The following HELLS variants were observed in gnomAD, a reference collection of about 807,000 sequenced individuals.
HELLS encodes the protein helicase, lymphoid specific, also known as lymphoid-specific helicase.
Under a neutral mutation model 120.0 loss-of-function variants are expected in HELLS, and 32 were observed. That is an observed-to-expected ratio of 0.27 (90% confidence interval 0.20 to 0.36). HELLS has a LOEUF of 0.36. Among genes scored for constraint, HELLS ranks in the 10% least tolerant of loss-of-function variants. HELLS has a pLI of 1.00. For synonymous variants in HELLS, 341 were observed against 323.4 expected, an observed-to-expected ratio of 1.05 and a Z score of -0.58; for missense variants, 650 against 993.4, an observed-to-expected ratio of 0.65 and a Z score of 4.65.
rs201968536 is a variant in HELLS, at chr10:94,577,067, C to T, written c.1032+262C>T. ...AATCATCCAGAAATAGACCTAATCTCGGAATGTATTACAGATATATTTGTG... is the reference window on the plus strand; with the variant it reads ...AATCATCCAGAAATAGACCTAATCTTGGAATGTATTACAGATATATTTGTG... On this transcript the variant is annotated intron_variant, in intron 10 of 21. Coordinates refer to ENST00000348459, the MANE Select transcript of HELLS (RefSeq NM_018063.5). The T allele has an allele frequency of 4.3e-4, 240 of 556,508 alleles. 1 individual carries two copies. Among genetic ancestry groups the T allele is most frequent in the South Asian group, 4.3e-4 (26 of 60,408 alleles). 34.5% of individuals were successfully genotyped at this position (556,508 alleles called of 1,614,324 possible). A position where few individuals can be genotyped will look rare whatever the true frequency, so the allele number is the denominator to read the frequency against.
At chr10:94,590,830 G>A in intron 15 of HELLS, 54 bp downstream of exon 15, 1 of 1,000,232 alleles carries the variant, frequency 1.0e-6, no homozygotes, top group Non-Finnish European at 1.4e-6. Context: ...CTTTTATATT[G>A]GTGGAAAGTG....
chr10:94,601,920 A>G lies in HELLS; in HGVS notation c.*298A>G, dbSNP rs1846052447. Reference sequence around the variant, plus strand: ...CAGTCTTCCTGTGGAAGTTTAGTAAATGTCTTTTTCCCTCCTTTCTTCTAG... The same window carrying G: ...CAGTCTTCCTGTGGAAGTTTAGTAAGTGTCTTTTTCCCTCCTTTCTTCTAG... On this transcript the variant is annotated 3_prime_UTR_variant, in exon 22 of 22. Transcript: ENST00000348459. 1 of 180,808 alleles carries G rather than the reference A, an allele frequency of 5.5e-6. No homozygotes were observed. Among genetic ancestry groups the G allele is most frequent in the Non-Finnish European group, 1.2e-5 (1 of 86,880 alleles). The allele number at this position is 180,808 out of a possible 1,614,324, so 11.2% of individuals were successfully genotyped here. A position where few individuals can be genotyped will look rare whatever the true frequency, so the allele number is the denominator to read the frequency against.
intron 2 of HELLS, among the ~76,000 whole-genome samples, chr10:94,552,746 C>A (rs11188017): frequency 6.6e-6 from 1 of 151,400 alleles, no homozygotes; most frequent in South Asian, 2.1e-4. Flanking sequence ...ACAAGGCAGA[C>A]GAATCTCTTG....
intron 6 of HELLS, among the ~76,000 whole-genome samples, chr10:94,568,052 G>A (rs1364230932): frequency 6.6e-6 from 1 of 151,852 alleles, no homozygotes; most frequent in Admixed American, 6.6e-5. Flanking sequence ...TGGGACTACA[G>A]GCACACGTCA....
intron 2 of HELLS, 86 bp downstream of exon 2, chr10:94,546,584 C>T: frequency 1.4e-6 from 2 of 1,461,574 alleles, no homozygotes; most frequent in Non-Finnish European, 1.9e-6. Context: ...TCTTTGCTTT[C>T]CTATTTAGTG....
At chr10:94,593,425 A>C in intron 17 of HELLS, 74 bp from the exon 18 acceptor site, 1 of 905,480 alleles carries the variant, frequency 1.1e-6, no homozygotes, top group South Asian at 1.4e-5. Context: ...GTTGTAATTG[A>C]AAACATTTTT....
At chr10:94,597,864 T>C (rs920688186) in intron 21 of HELLS, among the ~76,000 whole-genome samples, 3 of 152,154 alleles carry the variant, frequency 2.0e-5, no homozygotes, top group Non-Finnish European at 4.4e-5. Flanking sequence ...CCCTTGAAAG[T>C]GGCTGATAAG....
At chr10:94,585,349 G>GT (rs1407930177) in intron 12 of HELLS, among the ~76,000 whole-genome samples, 1 of 120,014 alleles carries the variant, frequency 8.3e-6, no homozygotes, top group Non-Finnish European at 1.7e-5. Flanking sequence ...ATAACTAATA[G>GT]TTTTTTTGTT....
chr10:94,546,635 C>G, intron 2 of HELLS, 137 bp downstream of exon 2: 1 of 947,620 alleles, frequency 1.1e-6, no homozygotes, highest in South Asian at 1.6e-5. Context: ...TATTACTTGT[C>G]TTTTTTGTAT....
chr10:94,606,061 T>TTTTTTTTTTTTC (rs1846125391), downstream of HELLS, among the ~76,000 whole-genome samples: 2 of 138,786 alleles, frequency 1.4e-5, no homozygotes, highest in African/African-American at 6.0e-5. Context: ...GGTATGGGTC[T>TTTTTTTTTTTTC]TTTTTTTTTT....
intron 13 of HELLS, among the ~76,000 whole-genome samples, chr10:94,589,161 T>A (rs75093057): frequency 0.028 from 4,217 of 149,992 alleles, 93 homozygotes; most frequent in South Asian, 0.044. Context: ...AAAAAATAAA[T>A]AAAAAAAAAA....
intron 2 of HELLS, 74 bp from the exon 3 acceptor site, chr10:94,554,052 A>G: frequency 7.3e-7 from 1 of 1,361,292 alleles, no homozygotes. Flanking sequence ...AGCCATTTTT[A>G]TTAAACTTTA....
chr10:94,571,793 A>G (rs980253439), intron 7 of HELLS, among the ~76,000 whole-genome samples: 2 of 152,154 alleles, frequency 1.3e-5, no homozygotes, highest in African/African-American at 2.4e-5. Flanking sequence ...GACCTTAAAG[A>G]TTTTTTAAGT....
chr10:94,589,304 A>G (rs1845337536), intron 13 of HELLS, among the ~76,000 whole-genome samples: 2 of 152,234 alleles, frequency 1.3e-5, no homozygotes, highest in South Asian at 4.1e-4. Context: ...TAATCTCCAG[A>G]TATACAGATT....
At chr10:94,603,588 C>G (rs894863251), downstream of HELLS, among the ~76,000 whole-genome samples, 5 of 152,168 alleles carry the variant, frequency 3.3e-5, no homozygotes, top group African/African-American at 1.2e-4. Context: ...CCAGCCAGAA[C>G]CTTTCTCCTG....
At chr10:94,598,806 T>A (rs1201065137) in intron 21 of HELLS, among the ~76,000 whole-genome samples, 1 of 152,064 alleles carries the variant, frequency 6.6e-6, no homozygotes, top group Non-Finnish European at 1.5e-5. Context: ...TTCAAGGTGT[T>A]GATATTTTCT....
At chr10:94,592,647 A>G in intron 17 of HELLS, 133 bp downstream of exon 17, 1 of 541,054 alleles carries the variant, frequency 1.8e-6, no homozygotes, top group African/African-American at 2.0e-5. Context: ...GGTTTTATCA[A>G]AAACAAACAT....
chr10:94,589,421 C>T (rs1189241710), intron 13 of HELLS, among the ~76,000 whole-genome samples: 1 of 152,142 alleles, frequency 6.6e-6, no homozygotes, highest in African/African-American at 2.4e-5. Flanking sequence ...TAGGGATGTT[C>T]TACCTGTACA....
At chr10:94,598,317 AG>A (rs1210769518) in intron 21 of HELLS, among the ~76,000 whole-genome samples, 2 of 152,188 alleles carry the variant, frequency 1.3e-5, no homozygotes, top group Non-Finnish European at 2.9e-5. Context: ...TTAACAAAAA[AG>A]GGTCTTGCTT....
Sources: allele counts gnomAD v4.1 joint callset (sites outside exome capture counted in the v4.1 genomes callset), GRCh38; gene constraint gnomAD v4.1.1; transcripts MANE v1.5; gene names NCBI Gene and HGNC (gene_info 2026-07-23, HGNC 2026-07-21).